The following PHC3 variants were observed in gnomAD, a reference collection of about 807,000 sequenced individuals.
PHC3 encodes polyhomeotic homolog 3.
PHC3 carries 13 observed loss-of-function variants against 107.4 expected under a neutral mutation model. That is an observed-to-expected ratio of 0.12 (90% CI 0.08 to 0.19). The LOEUF is 0.19. Among genes scored for constraint, PHC3 ranks in the 10% least tolerant of loss-of-function variants. PHC3 has a pLI of 1.00. For synonymous variants in PHC3, 456 were observed against 427.4 expected (o/e 1.07, Z -0.83); for missense variants, 992 against 1,210.9 (o/e 0.82, Z 2.68).
chr3:170,128,275 G>A, intron 8 of PHC3: 1 of 1,006,596 alleles, frequency 9.9e-7, no homozygotes. Context: ...AAAGGGTTAG[G>A]CTAGATAAAC....
intron 14 of PHC3, among the ~76,000 whole-genome samples, chr3:170,100,053 GCT>G (rs1398535586): frequency 6.6e-6 from 1 of 152,186 alleles, no homozygotes; most frequent in African/African-American, 2.4e-5. Context: ...TCTGTTAACA[GCT>G]CTGAGATTCT....
chr3:170,176,552 G>A (rs147741086), intron 2 of PHC3, among the ~76,000 whole-genome samples: 37 of 152,290 alleles, frequency 2.4e-4, no homozygotes, highest in Admixed American at 6.5e-4. Flanking sequence ...GTGGTTAAGG[G>A]CACAAGGGCT....
At chr3:170,112,317 T>TAG (rs1274899324) in intron 11 of PHC3, among the ~76,000 whole-genome samples, 2 of 151,708 alleles carry the variant, frequency 1.3e-5, no homozygotes, top group Non-Finnish European at 2.9e-5. Context: ...TTCAAGCGAT[T>TAG]CTCCTGCCTC....
chr3:170,165,559 C>A (rs1163276655), intron 4 of PHC3, among the ~76,000 whole-genome samples: 1 of 151,684 alleles, frequency 6.6e-6, no homozygotes, highest in Admixed American at 6.6e-5. Flanking sequence ...TCAAGACTGG[C>A]CTGGCCAAAA....
chr3:170,132,116 G>C (rs574053949), intron 7 of PHC3, among the ~76,000 whole-genome samples: 1 of 152,262 alleles, frequency 6.6e-6, no homozygotes, highest in African/African-American at 2.4e-5. Flanking sequence ...TAATTTCTCT[G>C]ATTTTAATAA....
intron 10 of PHC3, among the ~76,000 whole-genome samples, chr3:170,115,721 G>A (rs1718801031): frequency 6.6e-6 from 1 of 152,108 alleles, no homozygotes; most frequent in Non-Finnish European, 1.5e-5. Flanking sequence ...ACAACTCTAA[G>A]AGCAAAGCAC....
At position 170,092,220 on chromosome 3, in the gene PHC3, G is replaced by C. The variant is rs571917340; in HGVS notation, c.*5010C>G. 4 of 152,036 alleles carry C rather than the reference G, an allele frequency of 2.6e-5. No individual in the cohort carries two copies. Among genetic ancestry groups the C allele is most frequent in the African/African-American group, 7.3e-5 (3 of 41,368 alleles). The allele number at this position is 152,036 out of a possible 1,614,324, so 9.4% of individuals were successfully genotyped here. ...TCACCATATTGGTCAGGCTGGTCTC[G>C]AACTCCTGACCTCAGGTGATCTACC... On this transcript the variant is annotated 3_prime_UTR_variant, in exon 15 of 15. Transcript: ENST00000495893.
At chr3:170,131,016 C>T (rs1470811113) in intron 7 of PHC3, among the ~76,000 whole-genome samples, 1 of 151,390 alleles carries the variant, frequency 6.6e-6, no homozygotes, top group Non-Finnish European at 1.5e-5. Flanking sequence ...AAACTTTCCA[C>T]AACTTTTTAA....
intron 4 of PHC3, among the ~76,000 whole-genome samples, chr3:170,163,461 AGTGTGTGTGTGTGTGTGTGTGTGT>A (rs56986650): frequency 2.7e-5 from 4 of 146,216 alleles, no homozygotes; most frequent in Non-Finnish European, 4.5e-5. Flanking sequence ...TTTAGTAAAG[AGTGTGTGTGTGTGTGTGTGTGTGT>A]GTGTGTGTGT....
intron 1 of PHC3, among the ~76,000 whole-genome samples, chr3:170,179,817 G>C (rs970688105): frequency 1.3e-5 from 2 of 152,124 alleles, no homozygotes; most frequent in Non-Finnish European, 2.9e-5. Context: ...CCTCCATATT[G>C]TTAGAAACCA....
In PHC3 at chr3:170,091,267, A is replaced by G. The variant is rs1049775264; in HGVS notation, c.*5963T>C. 1 of 152,350 alleles carries G rather than the reference A, an allele frequency of 6.6e-6. No individual in the cohort carries two copies. Among genetic ancestry groups the G allele is most frequent in the Non-Finnish European group, 1.5e-5 (1 of 68,022 alleles). The allele number at this position is 152,350 out of a possible 1,614,324, so 9.4% of individuals were successfully genotyped here. On this transcript the variant is annotated 3_prime_UTR_variant, in exon 15 of 15. Transcript: ENST00000495893. The stretch of plus-strand genomic sequence containing the variant: ...TCTTATATTTAATTAACACCTTGCC[A>G]TGTTAGTATAACAGTGTTTTCAAAT...
intron 11 of PHC3, among the ~76,000 whole-genome samples, chr3:170,107,688 T>TCA (rs10646670): frequency 0.31 from 46,820 of 151,954 alleles, 7,288 homozygotes; most frequent in East Asian, 0.49. Context: ...GGCTTAAAAA[T>TCA]CAGTTTCATA....
At position 170,092,858 on chromosome 3, in the gene PHC3, G is replaced by GA. The variant is rs1714248732; in HGVS notation, c.*4371dup. On this transcript the variant is annotated 3_prime_UTR_variant, in exon 15 of 15. Transcript: ENST00000495893. ...CATGGAGACAGTGGGTATAGAGAGT[G>GA]AAAGAATGAGTCTGATTACAGGTAA... 1 of 152,204 alleles carries GA rather than the reference G, an allele frequency of 6.6e-6. No individual in the cohort carries two copies. Among genetic ancestry groups the GA allele is most frequent in the African/African-American group, 2.4e-5 (1 of 41,458 alleles). The allele number at this position is 152,204 out of a possible 1,614,324, so 9.4% of individuals were successfully genotyped here.
chr3:170,170,895 T>C (rs1729485474), intron 4 of PHC3: 1 of 154,780 alleles, frequency 6.5e-6, no homozygotes, highest in Non-Finnish European at 1.4e-5. Flanking sequence ...TTTACTCCTT[T>C]CTCAAAATAA....
At chr3:170,166,925 G>A (rs186999606) in intron 4 of PHC3, among the ~76,000 whole-genome samples, 1 of 152,018 alleles carries the variant, frequency 6.6e-6, no homozygotes, top group East Asian at 1.9e-4. Context: ...AAAGCACTAG[G>A]ATTACAAGCA....
At chr3:170,177,005 C>T in intron 2 of PHC3, 2 of 355,696 alleles carry the variant, frequency 5.6e-6, no homozygotes, top group Non-Finnish European at 1.1e-5. Context: ...TACCATATTG[C>T]CCCAACCTCC....
At chr3:170,103,047 TA>T in intron 12 of PHC3, 113 bp from the exon 13 acceptor site, 1 of 1,053,970 alleles carries the variant, frequency 9.5e-7, no homozygotes, top group South Asian at 1.6e-5. Context: ...AATACATCAT[TA>T]ATGAATGTAA....
intron 7 of PHC3, among the ~76,000 whole-genome samples, chr3:170,135,758 TAAAC>T (rs1431513212): frequency 6.6e-6 from 1 of 151,756 alleles, no homozygotes; most frequent in East Asian, 1.9e-4. Flanking sequence ...TTATCAAAAG[TAAAC>T]AAAATTCAAT....
At chr3:170,146,870 A>AT (rs1725052408) in intron 5 of PHC3, among the ~76,000 whole-genome samples, 1 of 91,764 alleles carries the variant, frequency 1.1e-5, no homozygotes, top group African/African-American at 4.2e-5. Context: ...CCATTAATCT[A>AT]TTTTTTCTTT....
Sources: gnomAD v4.1 joint callset for allele counts (sites outside exome capture counted in the v4.1 genomes callset) on GRCh38, gnomAD v4.1.1 for gene constraint, MANE v1.5 for transcripts, NCBI Gene and HGNC (gene_info 2026-07-23, HGNC 2026-07-21) for gene names.